Variants in SLC1A7 observed in about 807,000 individuals in gnomAD.
SLC1A7 encodes the protein solute carrier family 1 member 7, also known as excitatory amino acid transporter 5.
A neutral mutation model predicts 47.7 loss-of-function variants in SLC1A7; 40 were observed. That is an observed-to-expected ratio of 0.84 (90% CI 0.65 to 1.09). SLC1A7 has a LOEUF of 1.09. Among genes scored for constraint, SLC1A7 ranks in the 50% least tolerant of loss-of-function variants. The pLI, the probability that SLC1A7 is intolerant of heterozygous loss-of-function variation, is 0.00. For synonymous variants in SLC1A7, 323 were observed against 325.6 expected, an observed-to-expected ratio of 0.99 and a Z score of 0.09; for missense variants, 746 against 769.5, an observed-to-expected ratio of 0.97 and a Z score of 0.36.
intron 1 of SLC1A7, 47 bp downstream of exon 1, chr1:53,142,268 A>G: frequency 1.9e-6 from 3 of 1,539,010 alleles, no homozygotes; most frequent in Non-Finnish European, 2.6e-6. Context: ...CCTCAGGCCC[A>G]CACGCCCCTC....
At chr1:53,097,936 G>A (rs377507741) in intron 5 of SLC1A7, among the ~76,000 whole-genome samples, 4 of 36,986 alleles carry the variant, frequency 1.1e-4, no homozygotes, top group East Asian at 8.8e-4. Flanking sequence ...ACCCCACCTC[G>A]GTACACTCAC....
chr1:53,125,996 G>T (rs147106146), intron 2 of SLC1A7, among the ~76,000 whole-genome samples: 4 of 152,216 alleles, frequency 2.6e-5, no homozygotes, highest in Middle Eastern at 3.2e-3. Flanking sequence ...AAAACAAAGT[G>T]TAATTAATTT....
chr1:53,121,144 C>T (rs1205779401), intron 2 of SLC1A7, among the ~76,000 whole-genome samples: 1 of 152,256 alleles, frequency 6.6e-6, no homozygotes, highest in Admixed American at 6.5e-5. Flanking sequence ...TGGAACTCCT[C>T]CAAGGCAAGG....
At chr1:53,130,588 G>A (rs59126669) in intron 2 of SLC1A7, among the ~76,000 whole-genome samples, 3,851 of 152,024 alleles carry the variant, frequency 0.025, 169 homozygotes, top group African/African-American at 0.088. Context: ...GGGGATGGGA[G>A]CACCACAGCC....
chr1:53,115,722 G>A (rs879824372), intron 2 of SLC1A7: 1 of 152,330 alleles, frequency 6.6e-6, no homozygotes, highest in Admixed American at 6.5e-5. Flanking sequence ...GGACATCTTG[G>A]GTTTGTGCCT....
In SLC1A7 at chr1:53,087,761, C is replaced by T. The variant is rs535306394; in HGVS notation, c.*248G>A. 172 of 347,124 alleles carry T rather than the reference C, an allele frequency of 5.0e-4. No individual in the cohort carries two copies. Among genetic ancestry groups the T allele is most frequent in the African/African-American group, 2.4e-3 (114 of 47,888 alleles). 21.5% of individuals were successfully genotyped at this position (347,124 alleles called of 1,614,324 possible). A position where few individuals can be genotyped will look rare whatever the true frequency, so the allele number is the denominator to read the frequency against. ...CCTGCCGCCCTCACCGGGCTCACAC[C>T]GGGGAAACTGTCACAGCGGGGCCTC... On this transcript the variant is annotated 3_prime_UTR_variant, in exon 11 of 11. Coordinates refer to ENST00000371494, the MANE Select transcript of SLC1A7 (RefSeq NM_006671.6).
chr1:53,121,853 G>A (rs776218183), intron 2 of SLC1A7, among the ~76,000 whole-genome samples: 9 of 152,202 alleles, frequency 5.9e-5, no homozygotes, highest in Non-Finnish European at 1.3e-4. Flanking sequence ...AGGGCTGGTG[G>A]GCCCCCTGCC....
chr1:53,136,257 C>T (rs1413290868), intron 1 of SLC1A7, among the ~76,000 whole-genome samples: 2 of 147,616 alleles, frequency 1.4e-5, no homozygotes, highest in Non-Finnish European at 3.0e-5. Context: ...GCAGTGGTGC[C>T]ATCTCGGCTC....
chr1:53,089,978 GGT>G lies in SLC1A7; in HGVS notation c.1227-46_1227-45del, dbSNP rs1222923799. The stretch of plus-strand genomic sequence containing the variant: ...GGAAGAGGAGCAGCAGGAGGGGCAG[GGT>G]GCATTGTCAGGGTCTGGCTCCAAGG... On this transcript the variant is annotated intron_variant, in intron 8 of 10. Coordinates refer to ENST00000371494, the MANE Select transcript of SLC1A7 (RefSeq NM_006671.6). 1.9e-6 allele frequency: 3 copies of G among 1,607,776 alleles called. No homozygotes were observed. The East Asian group carries it at 6.7e-5, about 36-fold the overall frequency.
chr1:53,129,601 AT>A (rs1644920819), intron 2 of SLC1A7, among the ~76,000 whole-genome samples: 1 of 136,394 alleles, frequency 7.3e-6, no homozygotes, highest in African/African-American at 2.7e-5. Context: ...ATGCCAGATT[AT>A]GGGAAGAGTG....
rs371592393 is a variant in SLC1A7 at position 53,095,756 on chromosome 1, C to G, written c.698-2196G>C. ...CGGTACACTCAACTGCCTCGGTACA[C>G]TCACTCCACCTTGTTACACTCACAC... On this transcript the variant is annotated intron_variant, in intron 5 of 10. Transcript: ENST00000371494. Among the ~76,000 whole-genome samples the G allele has an allele frequency of 2.0e-5, 3 of 149,684 alleles. No homozygotes were observed. In the East Asian group the frequency reaches 6.0e-4, roughly 30 times the overall value.
At position 53,088,962 on chromosome 1, in the gene SLC1A7, A is replaced by G. The variant is rs368128779; in HGVS notation, c.1379T>C (p.Met460Thr). Reference sequence around the variant, plus strand: ...CAGCGCATCACCCAGCACGTTAATCATGGTGCGGAAACGGTCCCTGGTGAG... The same window carrying G: ...CAGCGCATCACCCAGCACGTTAATCGTGGTGCGGAAACGGTCCCTGGTGAG... ...VDWALDRFRT[M>T]INVLGDALAA... Residue 460 changes from methionine (M) to threonine (T), a missense_variant, in exon 10 of 11, where the codon ATG becomes ACG. Coordinates refer to ENST00000371494, the MANE Select transcript of SLC1A7 (RefSeq NM_006671.6). 8.7e-6 allele frequency: 14 copies of G among 1,613,894 alleles called. No homozygotes were observed. Among genetic ancestry groups the G allele is most frequent in the Non-Finnish European group, 1.1e-5 (13 of 1,179,974 alleles).
intron 5 of SLC1A7, 167 bp downstream of exon 5, chr1:53,103,179 G>A: frequency 1.8e-6 from 1 of 568,954 alleles, no homozygotes; most frequent in Non-Finnish European, 3.0e-6. Flanking sequence ...GGGTGGGGTG[G>A]GGAGGCGAAG....
At position 53,092,584 on chromosome 1, in the gene SLC1A7, G is replaced by C. The variant is rs1644435215; in HGVS notation, c.1001C>G (p.Ala334Gly). 6.2e-7 allele frequency: 1 copy of C among 1,614,100 alleles called. No individual in the cohort carries two copies. Among genetic ancestry groups the C allele is most frequent in the Non-Finnish European group, 8.5e-7 (1 of 1,179,946 alleles). Residue 334 changes from alanine to glycine, a missense_variant, in exon 7 of 11, where the codon GCT (alanine) becomes GGT (glycine). Transcript: ENST00000371494. ...PIVFIRGILQ[A>G]LLIALATSSS... ...GGAGGTGGCCAGCGCGATGAGCAGAGCCTGCAGGATGCCACGGATGAAGAC... is the reference window on the plus strand; with the variant it reads ...GGAGGTGGCCAGCGCGATGAGCAGACCCTGCAGGATGCCACGGATGAAGAC...
Position 53,114,822 on chromosome 1 carries a change from CCTT to C in SLC1A7, c.364_366del (p.Lys122del). The stretch of plus-strand genomic sequence containing the variant: ...GGCTTCCCACTCTGCTCCGTGGTCT[CCTT>C]CTGGGCCGCGCTGCCTGGGTGGATG... On this transcript the variant is annotated inframe_deletion, in exon 3 of 11. Transcript: ENST00000371494. 3 of 1,614,194 alleles carry C rather than the reference CCTT, an allele frequency of 1.9e-6. No individual in the cohort carries two copies. The highest frequency in any genetic ancestry group is 2.5e-6 in the Non-Finnish European group (3 of 1,180,020).
chr1:53,097,976 C>A (rs1342540522), intron 5 of SLC1A7, among the ~76,000 whole-genome samples: 2 of 103,372 alleles, frequency 1.9e-5, no homozygotes, highest in African/African-American at 5.9e-5. Flanking sequence ...TCACACACCA[C>A]AACTCGGTAC....
chr1:53,094,286 C>T (rs781224029), intron 5 of SLC1A7, among the ~76,000 whole-genome samples: 1 of 152,208 alleles, frequency 6.6e-6, no homozygotes, highest in African/African-American at 2.4e-5. Flanking sequence ...GGCGCCTCCC[C>T]CGGCATTCTA....
chr1:53,101,535 G>GCCTCA (rs1557673706), intron 5 of SLC1A7, among the ~76,000 whole-genome samples: 2 of 140,480 alleles, frequency 1.4e-5, no homozygotes, highest in Non-Finnish European at 3.0e-5. Flanking sequence ...ACCCTGACTC[G>GCCTCA]TCACACTCAC....
chr1:53,090,635 G>C lies in SLC1A7; in HGVS notation c.1203C>G (p.Asp401Glu). 6.2e-7 allele frequency: 1 copy of C among 1,601,494 alleles called. No homozygotes were observed. Among genetic ancestry groups the C allele is most frequent in the Non-Finnish European group, 8.5e-7 (1 of 1,171,718 alleles). ...FIAQVNNYEL[D>E]FGQIITISIT... ...ACCTGATGGTGATGATCTGGCCAAA[G>C]TCCAGCTCGTAGTTGTTGACCTGGG... The change falls in exon 8 of 11, where the codon GAC becomes GAG. Residue 401 changes from aspartate (D) to glutamate (E), a missense_variant. Physicochemically the swap from Asp to Glu is conservative, Grantham distance 45. Transcript: ENST00000371494.
Sources: allele counts gnomAD v4.1 joint callset (sites outside exome capture counted in the v4.1 genomes callset), GRCh38; gene constraint gnomAD v4.1.1; transcripts MANE v1.5; gene names NCBI Gene and HGNC (gene_info 2026-07-23, HGNC 2026-07-21).